The following SERINC3 variants were observed in gnomAD, a reference collection of about 807,000 sequenced individuals.
SERINC3 encodes the protein serine incorporator 3, also known as tumor differentially expressed protein 1.
SERINC3 carries 22 observed loss-of-function variants against 52.1 expected under a neutral mutation model. The observed-to-expected ratio is 0.42, with a 90% CI of 0.30 to 0.60. The LOEUF is 0.60. Among genes scored for constraint, SERINC3 ranks in the 20% least tolerant of loss-of-function variants. SERINC3 has a pLI of 0.16. For missense variants in SERINC3, 564 were observed against 584.6 expected (o/e 0.96, Z 0.36); for synonymous variants, 226 against 212.7 (o/e 1.06, Z -0.54).
intron 7 of SERINC3, among the ~76,000 whole-genome samples, chr20:44,504,356 G>A (rs1278449275): frequency 6.6e-6 from 1 of 152,142 alleles, no homozygotes; most frequent in Non-Finnish European, 1.5e-5. Flanking sequence ...AGTTATCATT[G>A]GTGGAAGGGG....
rs755145395 is a variant in SERINC3, at chr20:44,506,872, G to C, written c.738C>G (p.Ile246Met). 5 of 1,607,370 alleles carry C rather than the reference G, an allele frequency of 3.1e-6. No individual in the cohort carries two copies. The highest frequency in any genetic ancestry group is 2.5e-6 in the Non-Finnish European group (3 of 1,177,280). Residue 246 changes from isoleucine (I) to methionine (M), a missense_variant, in exon 6 of 10, where the codon ATC (isoleucine) becomes ATG (methionine). Coordinates refer to ENST00000342374, the MANE Select transcript of SERINC3 (RefSeq NM_006811.4). ...ATATAATAGAAGCCACAACGCAAAG[G>C]ATCAGGTTAATACTGATGAAGAACT... is the stretch of plus-strand genomic sequence containing the variant. ...ENKFFISINL[I>M]LCVVASIISI... is the part of the protein sequence containing the mutation.
In SERINC3 at chr20:44,514,147, CT is replaced by C; in HGVS notation, c.40-108del. ...GGCAAATCAGGCTTTATAGTTTTAA[CT>C]CAGAGAATCATGGCTGGGAGGAAGT... is the stretch of plus-strand genomic sequence containing the variant. On this transcript the variant is annotated intron_variant, in intron 1 of 9. Coordinates refer to ENST00000342374, the MANE Select transcript of SERINC3 (RefSeq NM_006811.4). 2.5e-6 allele frequency: 3 copies of C among 1,189,312 alleles called. No homozygotes were observed. The Admixed American group carries it at 9.3e-5, about 37-fold the overall frequency. 73.7% of individuals were successfully genotyped at this position (1,189,312 alleles called of 1,614,324 possible). A position where few individuals can be genotyped will look rare whatever the true frequency, so the allele number is the denominator to read the frequency against.
Position 44,509,950 on chromosome 20 carries a change from G to C in SERINC3, c.554C>G (p.Ser185Cys), listed in dbSNP as rs2064337063. Reference sequence around the variant, plus strand: ...TCGATTTACCCATGATTCATTCCAAGAATGAGCAAAATCTACCAGCAGCAC... The same window carrying C: ...TCGATTTACCCATGATTCATTCCAACAATGAGCAAAATCTACCAGCAGCAC... ...QLVLLVDFAH[S>C]WNESWVNRME... The change falls in exon 5 of 10, where the codon TCT becomes TGT. Residue 185 changes from serine to cysteine, a missense_variant. Transcript: ENST00000342374. 1 of 1,614,128 alleles carries C rather than the reference G, an allele frequency of 6.2e-7. No homozygotes were observed. Among genetic ancestry groups the C allele is most frequent in the Non-Finnish European group, 8.5e-7 (1 of 1,179,996 alleles).
At position 44,497,957 on chromosome 20, in the gene SERINC3, T is replaced by C. The variant is rs1334533142; in HGVS notation, c.*2339A>G. ...TGGGTTACACTTTGCAAAATAACTT[T>C]ATTCTTTAACAATCTTGTACACTAG... is the stretch of plus-strand genomic sequence containing the variant. On this transcript the variant is annotated 3_prime_UTR_variant, in exon 10 of 10. Coordinates refer to ENST00000342374, the MANE Select transcript of SERINC3 (RefSeq NM_006811.4). 6.6e-6 allele frequency: 1 copy of C among 152,254 alleles called. No homozygotes were observed. Among genetic ancestry groups the C allele is most frequent in the African/African-American group, 2.4e-5 (1 of 41,468 alleles). The allele number at this position is 152,254 out of a possible 1,614,324, so 9.4% of individuals were successfully genotyped here.
chr20:44,519,345 C>A (rs1474703949), intron 1 of SERINC3: 1 of 826,586 alleles, frequency 1.2e-6, no homozygotes. Context: ...GCCGGCGGAT[C>A]ACGAGGTCAG....
chr20:44,497,666 A>G lies in SERINC3; in HGVS notation c.*2630T>C, dbSNP rs1705696301. On this transcript the variant is annotated 3_prime_UTR_variant, in exon 10 of 10. Coordinates refer to ENST00000342374, the MANE Select transcript of SERINC3 (RefSeq NM_006811.4). The stretch of plus-strand genomic sequence containing the variant: ...CTACATTTCCCCATCTGACCCTCAA[A>G]TCCCTTGAAACGCTATACCCTGACA... 6.6e-6 allele frequency: 1 copy of G among 152,248 alleles called. No individual in the cohort carries two copies. The highest frequency in any genetic ancestry group is 2.4e-5 in the African/African-American group (1 of 41,424). 9.4% of individuals were successfully genotyped at this position (152,248 alleles called of 1,614,324 possible). A position where few individuals can be genotyped will look rare whatever the true frequency, so the allele number is the denominator to read the frequency against.
intron 6 of SERINC3, among the ~76,000 whole-genome samples, chr20:44,505,630 C>A (rs569657941): frequency 6.5e-4 from 97 of 148,662 alleles, no homozygotes; most frequent in African/African-American, 2.3e-3. Context: ...TGGAGTTTCG[C>A]TCTTATTGCC....
At position 44,501,096 on chromosome 20, in the gene SERINC3, C is replaced by A. The variant is rs1289397203; in HGVS notation, c.1260G>T (p.Met420Ile). 6.2e-7 allele frequency: 1 copy of A among 1,613,940 alleles called. No homozygotes were observed. The change falls in exon 9 of 10, where the codon ATG (methionine) becomes ATT (isoleucine). Residue 420 changes from methionine (M) to isoleucine (I), a missense_variant. Transcript: ENST00000342374. ...LMLCLASLYI[M>I]MTLTSWYSPD... ...ACCTGTACCAGCTGGTCAGGGTCAT[C>A]ATGATGTACAAGGAAGCCAAGCAGA...
At chr20:44,506,712 T>C (rs936911128) in intron 6 of SERINC3, 115 bp downstream of exon 6, 4 of 568,584 alleles carry the variant, frequency 7.0e-6, no homozygotes, top group Non-Finnish European at 8.3e-6. Flanking sequence ...CTTTATAATA[T>C]GGAAAAATGT....
chr20:44,511,155 C>T, intron 4 of SERINC3, 134 bp downstream of exon 4: 4 of 604,698 alleles, frequency 6.6e-6, no homozygotes, highest in Non-Finnish European at 1.2e-5. Context: ...CTCAGGTGAT[C>T]CGCCCGTCTT....
At chr20:44,512,415 CAT>C (rs1387331346) in intron 3 of SERINC3, among the ~76,000 whole-genome samples, 1 of 150,896 alleles carries the variant, frequency 6.6e-6, no homozygotes, top group Admixed American at 6.6e-5. Context: ...ATCAGTAGCA[CAT>C]ATATATTCAC....
At chr20:44,505,460 T>A (rs988068209) in intron 6 of SERINC3, among the ~76,000 whole-genome samples, 1 of 50 alleles carries the variant, frequency 0.02, no homozygotes, top group African/African-American at 0.05. Flanking sequence ...TAGCTGGGAT[T>A]ACAGTGCCCG....
At chr20:44,507,855 C>T (rs1393113922) in intron 5 of SERINC3, among the ~76,000 whole-genome samples, 2 of 152,072 alleles carry the variant, frequency 1.3e-5, no homozygotes, top group Non-Finnish European at 2.9e-5. Context: ...GACAACAGAA[C>T]AAAACCCCAT....
In SERINC3 at chr20:44,512,779, G is replaced by A. The variant is rs1202830311; in HGVS notation, c.395+22C>T. 3.9e-6 allele frequency: 6 copies of A among 1,533,518 alleles called. No individual in the cohort carries two copies. The African/African-American group carries it at 5.7e-5, about 15-fold the overall frequency. The allele number at this position is 1,533,518 out of a possible 1,614,324, so 95.0% of individuals were successfully genotyped here. On this transcript the variant is annotated intron_variant, in intron 3 of 9. Transcript: ENST00000342374. ...GAAGAGCCACACCATAATGTAACCA[G>A]TTAATCATAAATCTAACATACCCAT...
intron 6 of SERINC3, 75 bp downstream of exon 6, chr20:44,506,752 T>C (rs1234617639): frequency 9.9e-7 from 1 of 1,014,166 alleles, no homozygotes; most frequent in African/African-American, 1.6e-5. Flanking sequence ...CATAAATTCA[T>C]AAGAAAGGGT....
In SERINC3 at chr20:44,504,878, C is replaced by T. The variant is rs143381118; in HGVS notation, c.797G>A (p.Arg266His). 19 of 1,612,794 alleles carry T rather than the reference C, an allele frequency of 1.2e-5. No individual in the cohort carries two copies. The highest frequency in any genetic ancestry group is 9.4e-5 in the African/African-American group (7 of 74,864). The change falls in exon 7 of 10, where the codon CGC becomes CAC. Residue 266 changes from arginine (R) to histidine (H), a missense_variant. Arg to His is a conservative substitution (Grantham distance 29). Transcript: ENST00000342374. ...IHPKIQEHQP[R>H]SGLLQSSLIT... is the part of the protein sequence containing the mutation. The stretch of plus-strand genomic sequence containing the variant: ...GAGGGAGGACTGCAAGAGGCCGGAG[C>T]GAGGCTGGTGTTCCTATGGAATCAA...
chr20:44,511,969 A>C (rs2064350295), intron 3 of SERINC3, among the ~76,000 whole-genome samples: 1 of 152,218 alleles, frequency 6.6e-6, no homozygotes, highest in African/African-American at 2.4e-5. Context: ...ATCTGTAAAA[A>C]GGGGATTATA....
rs770724189 is a variant in SERINC3 at position 44,509,999 on chromosome 20, C to T, written c.505G>A (p.Ala169Thr). The T allele has an allele frequency of 3.5e-5, 56 of 1,613,808 alleles. No homozygotes were observed. Among genetic ancestry groups the T allele is most frequent in the Non-Finnish European group, 4.5e-5 (53 of 1,179,842 alleles). ...ACCAGCTGAATGAGGATGAAGAGGG[C>T]GGCCCCTATCATGCCAACAACAAAC... ...VWFVVGMIGA[A>T]LFILIQLVLL... Residue 169 changes from alanine (A) to threonine (T), a missense_variant, in exon 5 of 10, where the codon GCC (alanine) becomes ACC (threonine). Transcript: ENST00000342374.
At chr20:44,512,573 G>T (rs2064355138) in intron 3 of SERINC3, among the ~76,000 whole-genome samples, 1 of 152,036 alleles carries the variant, frequency 6.6e-6, no homozygotes, top group Non-Finnish European at 1.5e-5. Flanking sequence ...ATGAAGCAAA[G>T]GAATTTAATA....
Sources: gnomAD v4.1 joint callset for allele counts (sites outside exome capture counted in the v4.1 genomes callset) on GRCh38, gnomAD v4.1.1 for gene constraint, MANE v1.5 for transcripts, NCBI Gene and HGNC (gene_info 2026-07-23, HGNC 2026-07-21) for gene names.